The following CCDC180 variants were observed in gnomAD, a reference collection of about 807,000 sequenced individuals.
CCDC180 encodes coiled-coil domain containing 180.
A neutral mutation model predicts 209.2 loss-of-function variants in CCDC180; 154 were observed. The observed-to-expected ratio is 0.74, with a 90% CI of 0.65 to 0.84. CCDC180 has a LOEUF of 0.84. Among genes scored for constraint, CCDC180 ranks in the 40% least tolerant of loss-of-function variants. CCDC180 has a pLI of 0.00. For synonymous variants in CCDC180, 778 were observed against 749.1 expected, an observed-to-expected ratio of 1.04 and a Z score of -0.63; for missense variants, 1,874 against 1,997.3, an observed-to-expected ratio of 0.94 and a Z score of 1.18.
At chr9:97,375,613 G>C (rs1431713681) in intron 36 of CCDC180, 24 bp downstream of exon 36, 3 of 1,613,812 alleles carry the variant, frequency 1.9e-6, no homozygotes, top group Non-Finnish European at 2.5e-6. Flanking sequence ...GAGTGGGCGT[G>C]TCCCAGGGAG....
At chr9:97,307,402 C>A, upstream of CCDC180, 1 of 546,188 alleles carries the variant, frequency 1.8e-6, no homozygotes, top group Non-Finnish European at 3.5e-6. Flanking sequence ...CGCGGCCAGG[C>A]CGGACGCAAG....
At chr9:97,361,625 C>G (rs764835982) in intron 26 of CCDC180, 101 bp from the exon 27 acceptor site, 52 of 1,248,018 alleles carry the variant, frequency 4.2e-5, no homozygotes, top group Non-Finnish European at 5.6e-5. Context: ...CCTGCAGCCA[C>G]TCCACTGAGG....
At chr9:97,352,515 G>C (rs1379183015) in intron 22 of CCDC180, among the ~76,000 whole-genome samples, 1 of 152,144 alleles carries the variant, frequency 6.6e-6, no homozygotes, top group Non-Finnish European at 1.5e-5. Flanking sequence ...TAGGTAGACA[G>C]GTGAACTTTA....
intron 9 of CCDC180, among the ~76,000 whole-genome samples, 153 bp from the exon 10 acceptor site, chr9:97,318,310 G>A (rs1833243899): frequency 6.6e-6 from 1 of 152,074 alleles, no homozygotes; most frequent in Non-Finnish European, 1.5e-5. Flanking sequence ...GGGTCCTAGA[G>A]AAGAGGCAAA....
chr9:97,371,359 C>A, intron 33 of CCDC180: 1 of 361,582 alleles, frequency 2.8e-6, no homozygotes, highest in Admixed American at 4.3e-5. Context: ...ATTTCCTCTT[C>A]TGTGAATTGT....
intron 24 of CCDC180, among the ~76,000 whole-genome samples, chr9:97,356,735 G>A (rs942626456): frequency 1.3e-5 from 2 of 152,206 alleles, no homozygotes; most frequent in African/African-American, 4.8e-5. Flanking sequence ...AGTGTACAGG[G>A]GTTGCATTTC....
At position 97,370,625 on chromosome 9, in the gene CCDC180, G is replaced by T. The variant is rs765379298; in HGVS notation, c.4351-16G>T. 1.9e-6 allele frequency: 3 copies of T among 1,612,482 alleles called. No individual in the cohort carries two copies. The East Asian group carries it at 6.7e-5, about 36-fold the overall frequency. ...GGGTTAACATTGCCACTGAATTCTG[G>T]ATTGTTTGATTAAAGGACAAAAATG... On this transcript the variant is annotated splice_polypyrimidine_tract_variant and intron_variant, in intron 32 of 36. Transcript: ENST00000529487.
chr9:97,323,837 C>G lies in CCDC180; in HGVS notation c.1305C>G (p.Asn435Lys). Residue 435 changes from asparagine (N) to lysine (K), a missense_variant, in exon 13 of 37, where the codon AAC (asparagine) becomes AAG (lysine). By Grantham distance (94) the Asn-to-Lys change is moderately conservative. Coordinates refer to ENST00000529487, the MANE Select transcript of CCDC180 (RefSeq NM_020893.6). ...FTEEEAETLVNQFFFQMVGAL... is the reference protein window; with the variant it reads ...FTEEEAETLVKQFFFQMVGAL... ...AGGAGGAGGCAGAGACCCTGGTGAA[C>G]CAGTTCTTCTTCCAGATGGTGGGAG... 1 of 1,556,464 alleles carries G rather than the reference C, an allele frequency of 6.4e-7. No homozygotes were observed. Among genetic ancestry groups the G allele is most frequent in the South Asian group, 1.2e-5 (1 of 84,312 alleles).
intron 18 of CCDC180, among the ~76,000 whole-genome samples, chr9:97,335,100 A>T (rs1825862159): frequency 6.6e-6 from 1 of 152,148 alleles, no homozygotes; most frequent in African/African-American, 2.4e-5. Context: ...TATTTTTTGA[A>T]AGTAAGACTT....
At chr9:97,369,729 C>T (rs1827023953) in intron 31 of CCDC180, 193 bp from the exon 32 acceptor site, 2 of 554,216 alleles carry the variant, frequency 3.6e-6, no homozygotes, top group Non-Finnish European at 6.3e-6. Flanking sequence ...GTGTAAGCCA[C>T]TGCAGCTGGC....
chr9:97,313,480 C>G (rs1052793490), intron 5 of CCDC180, 135 bp downstream of exon 5: 2 of 587,936 alleles, frequency 3.4e-6, no homozygotes, highest in Admixed American at 2.7e-5. Flanking sequence ...CGACATGGAA[C>G]CCTCTCTGAG....
intron 25 of CCDC180, chr9:97,358,082 C>G (rs1826636036): frequency 1.1e-5 from 2 of 188,292 alleles, no homozygotes; most frequent in African/African-American, 4.7e-5. Flanking sequence ...GGCCCTGCCC[C>G]CTGAACAACC....
chr9:97,327,968 C>T, intron 15 of CCDC180, 52 bp from the exon 16 acceptor site: 2 of 1,580,072 alleles, frequency 1.3e-6, no homozygotes, highest in Non-Finnish European at 1.7e-6. Context: ...TCCTTGGGGT[C>T]AGGGGTGTGG....
At chr9:97,328,623 G>A (rs1003493365) in intron 16 of CCDC180, among the ~76,000 whole-genome samples, 2 of 151,870 alleles carry the variant, frequency 1.3e-5, no homozygotes, top group African/African-American at 4.8e-5. Flanking sequence ...CCTGCCTGCT[G>A]CCCTTCCTCA....
At chr9:97,361,506 C>T (rs116172521) in intron 26 of CCDC180, among the ~76,000 whole-genome samples, 21 of 152,266 alleles carry the variant, frequency 1.4e-4, no homozygotes, top group African/African-American at 3.9e-4. Context: ...AGCAGGCACC[C>T]GGGAAAATTT....
intron 13 of CCDC180, 74 bp downstream of exon 13, chr9:97,323,977 A>T (rs956753860): frequency 8.6e-6 from 13 of 1,507,332 alleles, no homozygotes; most frequent in Non-Finnish European, 1.2e-5. Context: ...GGCTGTAGGG[A>T]GAGTCCAAGA....
chr9:97,356,231 C>A (rs1020403530), intron 24 of CCDC180, among the ~76,000 whole-genome samples: 1 of 152,114 alleles, frequency 6.6e-6, no homozygotes, highest in Non-Finnish European at 1.5e-5. Context: ...ATTCAGGGAA[C>A]AATGTTTGAG....
At position 97,329,807 on chromosome 9, in the gene CCDC180, G is replaced by A. The variant is rs191556961; in HGVS notation, c.1789-347G>A. On this transcript the variant is annotated intron_variant, in intron 16 of 36. Coordinates refer to ENST00000529487, the MANE Select transcript of CCDC180 (RefSeq NM_020893.6). ...CTCTGGGCTGGGTGCGGTGGCTCAC[G>A]CCTGTAATCCCAGCACTTTGGGAGG... is the stretch of plus-strand genomic sequence containing the variant. Among the ~76,000 whole-genome samples, 8 of 152,244 alleles carry A rather than the reference G, an allele frequency of 5.3e-5. No homozygotes were observed. The East Asian group carries it at 1.5e-3, about 29-fold the overall frequency.
At chr9:97,346,972 G>A (rs1462087) in intron 19 of CCDC180, among the ~76,000 whole-genome samples, 44,865 of 152,118 alleles carry the variant, frequency 0.29, 7,269 homozygotes, top group African/African-American at 0.41. Flanking sequence ...CTGAGACTGT[G>A]GAGAAATAGG....
Sources: gnomAD v4.1 joint callset for allele counts (sites outside exome capture counted in the v4.1 genomes callset) on GRCh38, gnomAD v4.1.1 for gene constraint, MANE v1.5 for transcripts, NCBI Gene and HGNC (gene_info 2026-07-23, HGNC 2026-07-21) for gene names.